Variants in PMEPA1 observed in about 807,000 individuals in gnomAD.
PMEPA1 encodes prostate transmembrane protein, androgen induced 1, also known as protein TMEPAI.
PMEPA1 carries 11 observed loss-of-function variants against 23.0 expected under a neutral mutation model. That is an observed-to-expected ratio of 0.48 (90% CI 0.30 to 0.79). The LOEUF is 0.79. PMEPA1 is among the 30% of genes least tolerant of loss of function. The pLI is 0.06. For synonymous variants in PMEPA1, 204 were observed against 166.4 expected (o/e 1.23, Z -1.74); for missense variants, 377 against 390.9 (o/e 0.96, Z 0.30).
chr20:57,691,074 C>A (rs1353233357), intron 1 of PMEPA1, among the ~76,000 whole-genome samples: 1 of 152,176 alleles, frequency 6.6e-6, no homozygotes, highest in South Asian at 2.1e-4. Context: ...GTTCTACAGT[C>A]ATTGGTTTTC....
Position 57,659,789 on chromosome 20 carries a change from G to C in PMEPA1, c.110-92C>G, listed in dbSNP as rs76716396. ...CCTTTTGAGCTTTTTCACCCACCTA[G>C]GGGGACGAGAGTGCAACCCAGACTC... On this transcript the variant is annotated intron_variant, in intron 1 of 3. Coordinates refer to ENST00000341744, the MANE Select transcript of PMEPA1 (RefSeq NM_020182.5). 2,945 of 1,257,164 alleles carry C rather than the reference G, an allele frequency of 2.3e-3. 50 individuals carry two copies. In the African/African-American group the frequency reaches 0.038, roughly 16 times the overall value. The allele number at this position is 1,257,164 out of a possible 1,614,324, so 77.9% of individuals were successfully genotyped here. A position where few individuals can be genotyped will look rare whatever the true frequency, so the allele number is the denominator to read the frequency against.
chr20:57,709,911 G>A lies in PMEPA1; in HGVS notation c.-329C>T, dbSNP rs1347915883. 74 of 1,009,456 alleles carry A rather than the reference G, an allele frequency of 7.3e-5. 1 individual carries two copies. In the South Asian group the frequency reaches 3.0e-3, roughly 40 times the overall value. 62.5% of individuals were successfully genotyped at this position (1,009,456 alleles called of 1,614,324 possible). ...TCTGCCGCTAGCTTTCCCCAGCCGA[G>A]CGCCTCCGCCGCCGCCGCCGCCGCC... On this transcript the variant is annotated 5_prime_UTR_variant, in exon 1 of 4. Coordinates refer to ENST00000341744, the MANE Select transcript of PMEPA1 (RefSeq NM_020182.5).
At chr20:57,690,452 T>C (rs780515309) in intron 1 of PMEPA1, 44 of 1,304,190 alleles carry the variant, frequency 3.4e-5, no homozygotes, top group Non-Finnish European at 4.2e-5. Flanking sequence ...TCAAATTCTT[T>C]GAATTTTTCG....
chr20:57,665,073 T>C (rs1264423370), intron 1 of PMEPA1, among the ~76,000 whole-genome samples: 3 of 152,142 alleles, frequency 2.0e-5, no homozygotes, highest in South Asian at 2.1e-4. Flanking sequence ...ACAGGACACA[T>C]TGCCAAGCAG....
At chr20:57,692,818 C>T (rs2071899987) in intron 1 of PMEPA1, among the ~76,000 whole-genome samples, 1 of 152,224 alleles carries the variant, frequency 6.6e-6, no homozygotes, top group Non-Finnish European at 1.5e-5. Flanking sequence ...TTCTGTTCTA[C>T]AGGACAGCAC....
At chr20:57,666,312 G>A (rs1198230497) in intron 1 of PMEPA1, among the ~76,000 whole-genome samples, 6 of 152,012 alleles carry the variant, frequency 3.9e-5, no homozygotes, top group South Asian at 2.1e-4. Context: ...GAGAGGAACC[G>A]TGAGCAGGCC....
At chr20:57,667,069 A>G (rs1203909307) in intron 1 of PMEPA1, among the ~76,000 whole-genome samples, 1 of 152,200 alleles carries the variant, frequency 6.6e-6, no homozygotes, top group Non-Finnish European at 1.5e-5. Context: ...TGTACGGGAC[A>G]TGGGCCTGTG....
chr20:57,651,872 T>G lies in PMEPA1; in HGVS notation c.*181A>C. On this transcript the variant is annotated 3_prime_UTR_variant, in exon 4 of 4. Transcript: ENST00000341744. ...CTTTTTTCTTTTTTTTTTTGCAAGC[T>G]CTCTTAGCTTGTGCATTCAGACCAG... 1 of 376,210 alleles carries G rather than the reference T, an allele frequency of 2.7e-6. No homozygotes were observed. 23.3% of individuals were successfully genotyped at this position (376,210 alleles called of 1,614,324 possible). A position where few individuals can be genotyped will look rare whatever the true frequency, so the allele number is the denominator to read the frequency against.
Position 57,655,051 on chromosome 20 carries a change from A to G in PMEPA1, c.265-1965T>C, listed in dbSNP as rs1026774761. On this transcript the variant is annotated intron_variant, in intron 2 of 3. Coordinates refer to ENST00000341744, the MANE Select transcript of PMEPA1 (RefSeq NM_020182.5). This position sits in a 1 kb window ranked among gnomAD's most constrained non-coding sequence, Gnocchi z 4.2. ...CGAGGCCCATACCCCCTAGATGTCC[A>G]CGGCCGTAGTATAGCTGTTTCCTTT... is the stretch of plus-strand genomic sequence containing the variant. 1.3e-5 allele frequency among the ~76,000 whole-genome samples: 2 copies of G among 150,390 alleles called. No homozygotes were observed. Among genetic ancestry groups the G allele is most frequent in the Non-Finnish European group, 1.5e-5 (1 of 67,800 alleles).
chr20:57,709,263 G>T (rs2072130464), intron 1 of PMEPA1, among the ~76,000 whole-genome samples: 2 of 148,750 alleles, frequency 1.3e-5, no homozygotes, highest in African/African-American at 2.4e-5. Flanking sequence ...CGGGGGCCGT[G>T]CCAGGCTCGC....
At chr20:57,676,940 T>G (rs1407004667) in intron 1 of PMEPA1, among the ~76,000 whole-genome samples, 2 of 152,228 alleles carry the variant, frequency 1.3e-5, no homozygotes, top group African/African-American at 2.4e-5. Context: ...AGTCTCTGAC[T>G]TCCCACACTA....
At chr20:57,671,622 G>A (rs1266461689) in intron 1 of PMEPA1, among the ~76,000 whole-genome samples, 1 of 152,086 alleles carries the variant, frequency 6.6e-6, no homozygotes, top group Admixed American at 6.5e-5. Context: ...TGATCAACCA[G>A]AGACCATCTA....
At chr20:57,668,132 C>A (rs899980160) in intron 1 of PMEPA1, among the ~76,000 whole-genome samples, 14 of 152,134 alleles carry the variant, frequency 9.2e-5, no homozygotes, top group African/African-American at 3.4e-4. Flanking sequence ...GGCACCCGGA[C>A]AGGTGAACCT....
intron 1 of PMEPA1, among the ~76,000 whole-genome samples, chr20:57,688,564 T>G (rs157104): frequency 0.63 from 96,304 of 152,078 alleles, 32,365 homozygotes; most frequent in African/African-American, 0.87. Flanking sequence ...GCTGAATGAC[T>G]ACCACATCAT....
chr20:57,655,379 G>A lies in PMEPA1; in HGVS notation c.265-2293C>T, dbSNP rs1410807013. ...CCACAGCCTTTGTCCCTCTGCCCCC[G>A]GTGGCCTATTCAGGGGTCTCACTCG... is the stretch of plus-strand genomic sequence containing the variant. On this transcript the variant is annotated intron_variant, in intron 2 of 3. Transcript: ENST00000341744. This position sits in a 1 kb window ranked among gnomAD's most constrained non-coding sequence, Gnocchi z 4.2. Among the ~76,000 whole-genome samples, 4 of 152,154 alleles carry A rather than the reference G, an allele frequency of 2.6e-5. No homozygotes were observed. The highest frequency in any genetic ancestry group is 5.9e-5 in the Non-Finnish European group (4 of 68,034).
chr20:57,705,307 C>T (rs1376214956), intron 1 of PMEPA1, among the ~76,000 whole-genome samples: 2 of 152,206 alleles, frequency 1.3e-5, no homozygotes, highest in Non-Finnish European at 2.9e-5. Context: ...AAGCTGAGGC[C>T]AACTGTCTGA....
At position 57,650,097 on chromosome 20, in the gene PMEPA1, G is replaced by A. The variant is rs1182837043; in HGVS notation, c.*1956C>T. 1.3e-5 allele frequency: 2 copies of A among 152,336 alleles called. No homozygotes were observed. Among genetic ancestry groups the A allele is most frequent in the African/African-American group, 4.8e-5 (2 of 41,434 alleles). 9.4% of individuals were successfully genotyped at this position (152,336 alleles called of 1,614,324 possible). ...ATGAACGAGAACTTTCTACTAGGCTGGCGGCATGCAGAGCCCACGTCTGTC... is the reference window on the plus strand; with the variant it reads ...ATGAACGAGAACTTTCTACTAGGCTAGCGGCATGCAGAGCCCACGTCTGTC... On this transcript the variant is annotated 3_prime_UTR_variant, in exon 4 of 4. Transcript: ENST00000341744.
rs780910835 is a variant in PMEPA1, at chr20:57,709,483, T to G, written c.100A>C (p.Met34Leu). The G allele has an allele frequency of 8.8e-7, 1 of 1,135,738 alleles. No individual in the cohort carries two copies. Among genetic ancestry groups the G allele is most frequent in the East Asian group, 5.3e-5 (1 of 18,986 alleles). The allele number at this position is 1,135,738 out of a possible 1,614,324, so 70.4% of individuals were successfully genotyped here. A position where few individuals can be genotyped will look rare whatever the true frequency, so the allele number is the denominator to read the frequency against. The change falls in exon 1 of 4, where the codon ATG becomes CTG. Residue 34 changes from methionine to leucine, a missense_variant. Transcript: ENST00000341744. ...GCGTGGGGTCACTCACTGATCTCCA[T>G]GCTCTGGAACAAAGAGCGTTTGCAG... The part of the protein sequence containing the change: ...CNCKRSLFQS[M>L]EITELEFVQI...
At chr20:57,657,926 G>A (rs575987787) in intron 2 of PMEPA1, among the ~76,000 whole-genome samples, 5 of 152,294 alleles carry the variant, frequency 3.3e-5, no homozygotes, top group South Asian at 2.1e-4. Flanking sequence ...GGCTGGCCAC[G>A]TGCCACCTCC....
Sources: gnomAD v4.1 joint callset for allele counts (sites outside exome capture counted in the v4.1 genomes callset) on GRCh38, gnomAD v4.1.1 for gene constraint, Gnocchi (gnomAD v3.1) non-coding constraint, MANE v1.5 for transcripts, NCBI Gene and HGNC (gene_info 2026-07-23, HGNC 2026-07-21) for gene names.